LINGO2: variants seen among roughly 807,000 people sequenced by gnomAD.
LINGO2 encodes leucine-rich repeat and immunoglobulin-like domain-containing nogo receptor-interacting protein 2.
Under a neutral mutation model 30.6 loss-of-function variants are expected in LINGO2, and 14 were observed. The ratio of observed to expected loss-of-function variants is 0.46; its 90% CI spans 0.30 to 0.72. LINGO2 has a LOEUF of 0.72. Ranked by LOEUF, LINGO2 falls within the 30% of genes least tolerant of loss-of-function variation. The probability of loss-of-function intolerance (pLI) is 0.07; values close to 1 mark genes in which losing one functional copy is unlikely to be tolerated. For synonymous variants in LINGO2, 317 were observed against 288.5 expected, an observed-to-expected ratio of 1.10 and a Z score of -1.00; for missense variants, 729 against 751.7, an observed-to-expected ratio of 0.97 and a Z score of 0.35.
At chr9:28,914,296 G>A in the LINGO2 span, among the ~76,000 whole-genome samples, 3 of 152,076 alleles carry the variant, frequency 2.0e-5, no homozygotes, top group African/African-American at 7.2e-5. Flanking sequence ...CCAGATAAAA[G>A]TATCTTTCTT....
intron 1 of LINGO2, among the ~76,000 whole-genome samples, chr9:28,539,864 C>A (rs967754583): frequency 1.3e-5 from 2 of 152,124 alleles, no homozygotes; most frequent in Non-Finnish European, 2.9e-5. Flanking sequence ...TCAACTCTAG[C>A]TGTAAAATTA....
the LINGO2 span, among the ~76,000 whole-genome samples, chr9:28,730,417 A>G: frequency 6.6e-6 from 1 of 152,184 alleles, no homozygotes; most frequent in African/African-American, 2.4e-5. Flanking sequence ...CTACAATGGA[A>G]AAAACAAATA....
intron 3 of LINGO2, among the ~76,000 whole-genome samples, chr9:28,355,691 A>G (rs1820175437): frequency 6.6e-6 from 1 of 152,050 alleles, no homozygotes; most frequent in Non-Finnish European, 1.5e-5. Context: ...AGGCTCCAGG[A>G]GGGTTCACAG....
At chr9:28,699,802 T>C in the LINGO2 span, among the ~76,000 whole-genome samples, 5 of 151,896 alleles carry the variant, frequency 3.3e-5, no homozygotes, top group African/African-American at 1.2e-4. Flanking sequence ...TCTTATGCGG[T>C]TGAGATGAGG....
At chr9:28,531,572 T>C (rs1465258033) in intron 1 of LINGO2, among the ~76,000 whole-genome samples, 1 of 152,174 alleles carries the variant, frequency 6.6e-6, no homozygotes, top group African/African-American at 2.4e-5. Context: ...GTTTATCTTA[T>C]TTAAGTATCT....
At chr9:28,361,839 G>T (rs984341253) in intron 3 of LINGO2, among the ~76,000 whole-genome samples, 2 of 152,220 alleles carry the variant, frequency 1.3e-5, no homozygotes, top group South Asian at 2.1e-4. Context: ...TGTAAGTTAG[G>T]TTTAACAGAC....
chr9:28,035,576 T>G (rs959219755), intron 4 of LINGO2, among the ~76,000 whole-genome samples: 1 of 152,224 alleles, frequency 6.6e-6, no homozygotes, highest in Non-Finnish European at 1.5e-5. Context: ...CCATTCCATA[T>G]TCACATAATT....
At position 28,446,282 on chromosome 9, in the gene LINGO2, G is replaced by T. The variant is rs567545588; in HGVS notation, c.-279+29658C>A. ...CTGGATCTGCTCCATTATTCATTTT[G>T]AATTGCACATGTCTCTCCATTATGT... On this transcript the variant is annotated intron_variant, in intron 2 of 5. Transcript: ENST00000379992. 4.3e-3 allele frequency among the ~76,000 whole-genome samples: 658 copies of T among 152,194 alleles called. 6 individuals carry two copies. The highest frequency in any genetic ancestry group is 5.2e-3 in the Non-Finnish European group (352 of 68,008).
intron 4 of LINGO2, among the ~76,000 whole-genome samples, chr9:28,107,915 G>T (rs1019570791): frequency 2.6e-5 from 4 of 152,048 alleles, no homozygotes; most frequent in African/African-American, 4.8e-5. Flanking sequence ...CTAAGAAAAA[G>T]GCAGTCATTT....
the LINGO2 span, among the ~76,000 whole-genome samples, chr9:28,909,813 A>G: frequency 6.6e-6 from 1 of 152,062 alleles, no homozygotes; most frequent in African/African-American, 2.4e-5. Flanking sequence ...CAGGAAAGTA[A>G]GACATATAAT....
At chr9:28,796,592 A>T in the LINGO2 span, among the ~76,000 whole-genome samples, 1 of 152,128 alleles carries the variant, frequency 6.6e-6, no homozygotes, top group African/African-American at 2.4e-5. Context: ...GGAAGGTGTC[A>T]GCAATTAGCA....
At chr9:28,970,614 C>G in the LINGO2 span, among the ~76,000 whole-genome samples, 2 of 152,108 alleles carry the variant, frequency 1.3e-5, no homozygotes, top group Middle Eastern at 3.4e-3. Flanking sequence ...AACTCTGGGC[C>G]GTGTTGTTAG....
chr9:28,500,590 CAA>C (rs910684887), intron 1 of LINGO2, among the ~76,000 whole-genome samples: 1 of 150,366 alleles, frequency 6.7e-6, no homozygotes, highest in Non-Finnish European at 1.5e-5. Context: ...GAATGCACGA[CAA>C]AAAAAATAAG....
the LINGO2 span, among the ~76,000 whole-genome samples, chr9:28,843,957 T>C: frequency 4.2e-4 from 64 of 151,938 alleles, 2 homozygotes; most frequent in African/African-American, 1.5e-3. Context: ...TGGAGTTAAT[T>C]ATCTATCTGA....
At chr9:28,273,396 C>G (rs1823010294) in intron 4 of LINGO2, among the ~76,000 whole-genome samples, 1 of 152,160 alleles carries the variant, frequency 6.6e-6, no homozygotes, top group Non-Finnish European at 1.5e-5. Context: ...TTTACTGATA[C>G]TTCAAAAAGA....
chr9:28,819,914 T>C, the LINGO2 span, among the ~76,000 whole-genome samples: 1 of 152,134 alleles, frequency 6.6e-6, no homozygotes, highest in African/African-American at 2.4e-5. Context: ...CATACATATA[T>C]AACCTGCCCA....
rs185311403 is a variant in LINGO2 at position 28,476,527 on chromosome 9, G to A, written c.-364-502C>T. Among the ~76,000 whole-genome samples the A allele has an allele frequency of 9.0e-3, 1,365 of 152,044 alleles. 18 individuals are homozygous for A. The highest frequency in any genetic ancestry group is 0.031 in the African/African-American group (1,296 of 41,454). On this transcript the variant is annotated intron_variant, in intron 1 of 5. Coordinates refer to ENST00000379992, the Ensembl canonical transcript of LINGO2. ...CCTGACCTCGTGATCCTCCCGCCGCGGCCTCCCAAAGTGCTGGGATTACAG... is the reference window on the plus strand; with the variant it reads ...CCTGACCTCGTGATCCTCCCGCCGCAGCCTCCCAAAGTGCTGGGATTACAG...
the LINGO2 span, among the ~76,000 whole-genome samples, chr9:28,877,285 G>A: frequency 8.6e-5 from 13 of 151,948 alleles, 1 homozygote; most frequent in Middle Eastern, 0.014. Flanking sequence ...TTTGGCTTTC[G>A]TTGCCATTGC....
chr9:29,010,288 A>C, the LINGO2 span, among the ~76,000 whole-genome samples: 1 of 152,214 alleles, frequency 6.6e-6, no homozygotes, highest in African/African-American at 2.4e-5. Flanking sequence ...CCCATCTGAC[A>C]AAGGGCTAAT....
Sources: gnomAD v4.1 joint callset for allele counts (sites outside exome capture counted in the v4.1 genomes callset) on GRCh38, gnomAD v4.1.1 for gene constraint, MANE v1.5 for transcripts, NCBI Gene and HGNC (gene_info 2026-07-23, HGNC 2026-07-21) for gene names.